SCFD2: variants seen among roughly 807,000 people sequenced by gnomAD.
SCFD2 encodes sec1 family domain containing 2, also known as sec1 family domain-containing protein 2.
In SCFD2, 54 loss-of-function variants were observed where a neutral mutation model predicts 58.9. That is an observed-to-expected ratio of 0.92 (90% CI 0.74 to 1.15). The LOEUF (loss-of-function observed/expected upper bound fraction) is 1.15. SCFD2 is among the 50% of genes most tolerant of loss of function. The pLI, the probability that SCFD2 is intolerant of heterozygous loss-of-function variation, is 0.00. For missense variants in SCFD2, 805 were observed against 836.6 expected (o/e 0.96, Z 0.47); for synonymous variants, 321 against 335.9 (o/e 0.96, Z 0.49).
At position 53,273,843 on chromosome 4, in the gene SCFD2, C is replaced by A; in HGVS notation, c.1294G>T (p.Glu432Ter). 1 of 1,613,156 alleles carries A rather than the reference C, an allele frequency of 6.2e-7. No homozygotes were observed. The highest frequency in any genetic ancestry group is 8.5e-7 in the Non-Finnish European group (1 of 1,179,564). The change falls in exon 4 of 9, where the codon GAA becomes TAA. Residue 432 changes from glutamate (E) to a stop codon, truncating the protein, a stop_gained. Transcript: ENST00000401642. LOFTEE classifies it high-confidence loss of function. ...TAKWDNFLAF[E>*]RLLLQSIGES... Reference sequence around the variant, plus strand: ...CAACATACCTGAAGAAGGAGCCTTTCAAAAGCCAGAAAGTTGTCCCACTTG... The same window carrying A: ...CAACATACCTGAAGAAGGAGCCTTTAAAAAGCCAGAAAGTTGTCCCACTTG...
intron 2 of SCFD2, among the ~76,000 whole-genome samples, chr4:53,339,800 C>T (rs1377310187): frequency 6.6e-6 from 1 of 151,840 alleles, no homozygotes; most frequent in African/African-American, 2.4e-5. Context: ...CTATTACATA[C>T]ATCAAATGAA....
intron 5 of SCFD2, among the ~76,000 whole-genome samples, chr4:53,027,901 AT>A (rs796544277): frequency 2.3e-3 from 351 of 150,378 alleles, no homozygotes; most frequent in African/African-American, 6.3e-3. Context: ...TTAAGATTTT[AT>A]TTTTTTTTTC....
chr4:53,257,108 A>AACACAC (rs56129853), intron 4 of SCFD2, among the ~76,000 whole-genome samples: 7 of 150,436 alleles, frequency 4.7e-5, no homozygotes, highest in African/African-American at 1.2e-4. Flanking sequence ...CTAAAAGTGT[A>AACACAC]ACACACACAC....
Position 53,313,685 on chromosome 4 carries a change from A to C in SCFD2, c.1086T>G (p.His362Gln). 1 of 1,614,006 alleles carries C rather than the reference A, an allele frequency of 6.2e-7. No homozygotes were observed. Among genetic ancestry groups the C allele is most frequent in the African/African-American group, 1.3e-5 (1 of 75,028 alleles). Reference sequence around the variant, plus strand: ...TTTCTCTGCTTGCCGCTTCCACTAGATGTCTCCGAACTTCCATCACTGCCT... The same window carrying C: ...TTTCTCTGCTTGCCGCTTCCACTAGCTGTCTCCGAACTTCCATCACTGCCT... ...HKEAVMEVRR[H>Q]LVEAASRENL... Residue 362 changes from histidine to glutamine, a missense_variant, in exon 3 of 9, where the codon CAT becomes CAG. This residue lies in a region of SCFD2 where 633 missense variants were observed against 646.8 expected (regional missense o/e 0.98). Coordinates refer to ENST00000401642, the MANE Select transcript of SCFD2 (RefSeq NM_152540.4).
rs573151222 is a variant in SCFD2, at chr4:53,209,025, C to G, written c.1312-63443G>C. On this transcript the variant is annotated intron_variant, in intron 4 of 8. Transcript: ENST00000401642. ...AGGGTAGAGGATTAAGACAAACCCT[C>G]TCAGTTTGCCTGAGTTTGAAGGAGT... Among the ~76,000 whole-genome samples, 5 of 152,194 alleles carry G rather than the reference C, an allele frequency of 3.3e-5. No individual in the cohort carries two copies. The South Asian group carries it at 1.0e-3, about 32-fold the overall frequency.
At chr4:52,898,132 T>A (rs1489505108) in intron 7 of SCFD2, among the ~76,000 whole-genome samples, 3 of 152,132 alleles carry the variant, frequency 2.0e-5, no homozygotes, top group Non-Finnish European at 4.4e-5. Flanking sequence ...TTTTGAAGGG[T>A]TTTTTGTGTC....
chr4:53,313,688 T>A lies in SCFD2; in HGVS notation c.1083A>T (p.Arg361Ser). The A allele has an allele frequency of 6.2e-7, 1 of 1,614,078 alleles. No homozygotes were observed. Residue 361 changes from arginine (R) to serine (S), a missense_variant, in exon 3 of 9, where the codon AGA becomes AGT. Physicochemically the swap from Arg to Ser is moderately radical, Grantham distance 110 (BLOSUM62 -1). Around this residue, in one of 3 missense-constraint regions of SCFD2, gnomAD observed 633 missense variants for 646.8 expected, o/e 0.98. Transcript: ENST00000401642. ...CTCTGCTTGCCGCTTCCACTAGATG[T>A]CTCCGAACTTCCATCACTGCCTCTT... ...KHKEAVMEVRRHLVEAASREN... is the reference protein window; with the variant it reads ...KHKEAVMEVRSHLVEAASREN...
intron 4 of SCFD2, among the ~76,000 whole-genome samples, chr4:53,261,574 G>A (rs979610661): frequency 2.0e-5 from 3 of 152,194 alleles, no homozygotes; most frequent in African/African-American, 7.2e-5. Context: ...ATTCCACTGT[G>A]GTCTGAGAGA....
intron 1 of SCFD2, among the ~76,000 whole-genome samples, chr4:53,358,556 GAA>G (rs773896119): frequency 2.7e-4 from 28 of 105,320 alleles, no homozygotes; most frequent in Admixed American, 5.1e-4. Context: ...CTGTCTCAGG[GAA>G]AAAAAAAAAA....
intron 7 of SCFD2, among the ~76,000 whole-genome samples, chr4:52,901,890 G>A (rs1415586879): frequency 1.3e-5 from 2 of 152,318 alleles, no homozygotes; most frequent in East Asian, 3.9e-4. Flanking sequence ...CAGAGGATTT[G>A]TTTGATGCAG....
chr4:52,975,747 AC>A (rs1307761441), intron 5 of SCFD2, among the ~76,000 whole-genome samples: 3 of 152,140 alleles, frequency 2.0e-5, no homozygotes, highest in Admixed American at 6.5e-5. Context: ...GGCACTATTC[AC>A]AATAGCAAAG....
intron 4 of SCFD2, among the ~76,000 whole-genome samples, chr4:53,182,461 T>G (rs1428155809): frequency 6.6e-6 from 1 of 152,224 alleles, no homozygotes; most frequent in Non-Finnish European, 1.5e-5. Context: ...TGCAGAACGC[T>G]GAAACTGGAT....
At chr4:52,907,207 G>A (rs911481703) in intron 7 of SCFD2, among the ~76,000 whole-genome samples, 4 of 152,224 alleles carry the variant, frequency 2.6e-5, no homozygotes, top group African/African-American at 4.8e-5. Flanking sequence ...CAGAGAGATT[G>A]TGTCCTCCAC....
chr4:52,873,879 G>A lies in SCFD2; in HGVS notation c.*90C>T. The A allele has an allele frequency of 1.2e-6, 1 of 866,570 alleles. No individual in the cohort carries two copies. Among genetic ancestry groups the A allele is most frequent in the East Asian group, 2.4e-5 (1 of 41,016 alleles). The allele number at this position is 866,570 out of a possible 1,614,324, so 53.7% of individuals were successfully genotyped here. A position where few individuals can be genotyped will look rare whatever the true frequency, so the allele number is the denominator to read the frequency against. ...CATCATTCTCGCAATTAGTGACAGG[G>A]ACGCTGGTTGTGGAGGAGTATTTGG... is the stretch of plus-strand genomic sequence containing the variant. On this transcript the variant is annotated 3_prime_UTR_variant, in exon 9 of 9. Coordinates refer to ENST00000401642, the MANE Select transcript of SCFD2 (RefSeq NM_152540.4).
chr4:53,021,618 G>A (rs570115905), intron 5 of SCFD2, among the ~76,000 whole-genome samples: 2 of 152,054 alleles, frequency 1.3e-5, no homozygotes, highest in Non-Finnish European at 2.9e-5. Context: ...GGGCGCAGCG[G>A]CAAGTCAAGG....
At chr4:52,991,859 T>A (rs1229389028) in intron 5 of SCFD2, among the ~76,000 whole-genome samples, 3 of 152,190 alleles carry the variant, frequency 2.0e-5, no homozygotes, top group African/African-American at 7.2e-5. Context: ...TGTCCCAAAG[T>A]GATCTTGAAT....
chr4:53,020,757 T>TA (rs1407270915), intron 5 of SCFD2, among the ~76,000 whole-genome samples: 19 of 152,186 alleles, frequency 1.2e-4, no homozygotes, highest in Non-Finnish European at 2.9e-5. Context: ...ACAGGGCAGA[T>TA]AAAGACTTCC....
intron 5 of SCFD2, among the ~76,000 whole-genome samples, chr4:52,977,705 G>A (rs1436013991): frequency 2.6e-5 from 4 of 152,170 alleles, no homozygotes; most frequent in Admixed American, 2.6e-4. Flanking sequence ...TCAGGAATAT[G>A]AACATATAAT....
At chr4:53,252,799 A>T (rs945814246) in intron 4 of SCFD2, among the ~76,000 whole-genome samples, 2 of 152,176 alleles carry the variant, frequency 1.3e-5, no homozygotes, top group Admixed American at 6.5e-5. Context: ...AAGAAAACCT[A>T]GGCATTACCA....
Sources: allele counts gnomAD v4.1 joint callset (sites outside exome capture counted in the v4.1 genomes callset), GRCh38; gene constraint gnomAD v4.1.1; regional missense constraint gnomAD v4.1.1; transcripts MANE v1.5; gene names NCBI Gene and HGNC (gene_info 2026-07-23, HGNC 2026-07-21).